Variants in OSBPL10 observed in about 807,000 individuals in gnomAD.
OSBPL10 encodes oxysterol binding protein like 10, also known as oxysterol-binding protein-related protein 10.
A neutral mutation model predicts 81.7 loss-of-function variants in OSBPL10; 49 were observed. That is an observed-to-expected ratio of 0.60 (90% CI 0.48 to 0.76). The LOEUF is 0.76. Among genes scored for constraint, OSBPL10 ranks in the 30% least tolerant of loss-of-function variants. The pLI is 0.00. For synonymous variants in OSBPL10, 419 were observed against 383.6 expected (o/e 1.09, Z -1.08); for missense variants, 923 against 987.8 (o/e 0.93, Z 0.88).
chr3:32,051,500 A>T (rs1294167785), intron 1 of OSBPL10, among the ~76,000 whole-genome samples: 2 of 152,178 alleles, frequency 1.3e-5, no homozygotes. Context: ...GCCACCTGGA[A>T]GTTATGGTAA....
chr3:31,694,830 C>T (rs958118817), intron 7 of OSBPL10, among the ~76,000 whole-genome samples: 2 of 152,240 alleles, frequency 1.3e-5, no homozygotes, highest in Admixed American at 1.3e-4. Context: ...TCTCGGCTCA[C>T]TGCAACCTCC....
chr3:31,674,504 G>A (rs9876435), intron 8 of OSBPL10, among the ~76,000 whole-genome samples: 19 of 152,158 alleles, frequency 1.2e-4, no homozygotes, highest in African/African-American at 3.9e-4. Context: ...AGGCTGCAGT[G>A]AGCCATGGTC....
At chr3:31,879,546 A>C in intron 2 of OSBPL10, 109 bp downstream of exon 2, 1 of 1,194,692 alleles carries the variant, frequency 8.4e-7, no homozygotes, top group Middle Eastern at 2.0e-4. Flanking sequence ...TCCTCCAAAC[A>C]CAGCAAACTG....
At chr3:32,051,969 C>A (rs1050697427) in intron 1 of OSBPL10, among the ~76,000 whole-genome samples, 1 of 151,938 alleles carries the variant, frequency 6.6e-6, no homozygotes, top group Non-Finnish European at 1.5e-5. Flanking sequence ...ATTGGTAGGC[C>A]GGGTGCAGTG....
chr3:31,996,782 A>G (rs533019891), intron 2 of OSBPL10, among the ~76,000 whole-genome samples: 1 of 152,344 alleles, frequency 6.6e-6, no homozygotes, highest in African/African-American at 2.4e-5. Flanking sequence ...AACTCCAGAG[A>G]GTGCAGAACT....
At chr3:31,915,980 C>T (rs2125699547) in intron 1 of OSBPL10, among the ~76,000 whole-genome samples, 1 of 151,414 alleles carries the variant, frequency 6.6e-6, no homozygotes, top group South Asian at 2.1e-4. Flanking sequence ...CCTGTAATCC[C>T]AGCTACTCGG....
At chr3:31,722,219 C>A (rs2125640802) in intron 6 of OSBPL10, among the ~76,000 whole-genome samples, 1 of 152,160 alleles carries the variant, frequency 6.6e-6, no homozygotes, top group East Asian at 1.9e-4. Flanking sequence ...GATTTTGTAC[C>A]TTATGTCCAA....
chr3:31,986,210 A>G (rs1380998040), upstream of OSBPL10: 2 of 152,232 alleles, frequency 1.3e-5, no homozygotes, highest in East Asian at 1.9e-4. Flanking sequence ...CCTGAACACA[A>G]TCATACTCAA....
intron 6 of OSBPL10, among the ~76,000 whole-genome samples, chr3:31,702,930 T>A (rs914251579): frequency 3.9e-5 from 6 of 152,216 alleles, no homozygotes; most frequent in Non-Finnish European, 7.3e-5. Context: ...AAAAGTTGGA[T>A]TATCCAGGGA....
intron 1 of OSBPL10, among the ~76,000 whole-genome samples, chr3:31,889,319 A>G (rs1358655365): frequency 6.6e-6 from 1 of 152,212 alleles, no homozygotes; most frequent in East Asian, 1.9e-4. Context: ...AAGGAAAGGA[A>G]ATCAGTGTAT....
chr3:32,044,045 A>C (rs566461597), intron 2 of OSBPL10, among the ~76,000 whole-genome samples: 9 of 152,302 alleles, frequency 5.9e-5, no homozygotes, highest in African/African-American at 2.2e-4. Context: ...TGACAGCATC[A>C]TACAATATAC....
At chr3:32,077,090 G>A (rs1239479572) in intron 1 of OSBPL10, among the ~76,000 whole-genome samples, 1 of 152,056 alleles carries the variant, frequency 6.6e-6, no homozygotes, top group Non-Finnish European at 1.5e-5. Context: ...GCAAGAAAGG[G>A]GTTTGTTTTG....
intron 1 of OSBPL10, among the ~76,000 whole-genome samples, chr3:31,937,322 T>C (rs955977549): frequency 4.6e-5 from 7 of 150,896 alleles, no homozygotes; most frequent in Admixed American, 6.6e-5. Flanking sequence ...CATGAAACAC[T>C]CAAATGTCAT....
At position 31,879,952 on chromosome 3, in the gene OSBPL10, C is replaced by G. The variant is rs142924424; in HGVS notation, c.282-122G>C. ...ACTCCACATCCATGAAGCTGGAAAC[C>G]AAAAGTCCCTCCCAGATGCCCATAG... On this transcript the variant is annotated intron_variant, in intron 1 of 11. Transcript: ENST00000396556. 54 of 1,054,406 alleles carry G rather than the reference C, an allele frequency of 5.1e-5. No homozygotes were observed. In the East Asian group the frequency reaches 1.4e-3, roughly 28 times the overall value. The allele number at this position is 1,054,406 out of a possible 1,614,324, so 65.3% of individuals were successfully genotyped here.
At chr3:31,987,457 A>G (rs1450063234) in intron 2 of OSBPL10, among the ~76,000 whole-genome samples, 2 of 152,226 alleles carry the variant, frequency 1.3e-5, no homozygotes, top group African/African-American at 4.8e-5. Context: ...ATAAGATCCA[A>G]TGACTGGGTC....
chr3:32,007,107 T>G (rs1443733790), intron 2 of OSBPL10, among the ~76,000 whole-genome samples: 1 of 152,144 alleles, frequency 6.6e-6, no homozygotes, highest in Non-Finnish European at 1.5e-5. Context: ...AGGTGTACAT[T>G]TTGACATATA....
At chr3:31,918,779 A>C (rs1177324880) in intron 1 of OSBPL10, among the ~76,000 whole-genome samples, 1 of 152,194 alleles carries the variant, frequency 6.6e-6, no homozygotes, top group Non-Finnish European at 1.5e-5. Flanking sequence ...AAATCTTCCA[A>C]AAAATTTCAG....
intron 1 of OSBPL10, among the ~76,000 whole-genome samples, chr3:31,900,941 G>A (rs953035633): frequency 2.0e-5 from 3 of 152,176 alleles, no homozygotes; most frequent in African/African-American, 7.2e-5. Flanking sequence ...ATTTATTAAA[G>A]TGTTAATGAA....
chr3:31,664,239 A>T lies in OSBPL10; in HGVS notation c.2097-7T>A, dbSNP rs762709189. The T allele has an allele frequency of 6.2e-7, 1 of 1,611,688 alleles. No individual in the cohort carries two copies. Among genetic ancestry groups the T allele is most frequent in the South Asian group, 1.1e-5 (1 of 90,958 alleles). On this transcript the variant is annotated splice_region_variant and splice_polypyrimidine_tract_variant and intron_variant, in intron 10 of 11. Transcript: ENST00000396556. ...CACCTCCCGCCAGAGGTTCCTGGGGATGCGTGGAGGAGAGGAAACAATCAG... is the reference window on the plus strand; with the variant it reads ...CACCTCCCGCCAGAGGTTCCTGGGGTTGCGTGGAGGAGAGGAAACAATCAG...
Sources: gnomAD v4.1 joint callset for allele counts (sites outside exome capture counted in the v4.1 genomes callset) on GRCh38, gnomAD v4.1.1 for gene constraint, MANE v1.5 for transcripts, NCBI Gene and HGNC (gene_info 2026-07-23, HGNC 2026-07-21) for gene names.